Variants in USP26 observed in about 807,000 individuals in gnomAD.
USP26 encodes the protein ubiquitin carboxyl-terminal hydrolase 26.
For synonymous variants in USP26, 236 were observed against 240.6 expected (o/e 0.98, Z 0.18); for missense variants, 649 against 642.3 (o/e 1.01, Z -0.11).
At chrX:133,037,928 A>G (rs1483975188) in intron 5 of USP26, among the ~76,000 whole-genome samples, 2 of 110,945 alleles carry the variant, frequency 1.8e-5, no homozygotes, top group African/African-American at 3.3e-5. Context: ...CTTTGTAGCA[A>G]TTGTGAATGG....
intron 4 of USP26, among the ~76,000 whole-genome samples, chrX:133,084,552 C>T (rs780498539): frequency 4.3e-4 from 42 of 97,801 alleles, no homozygotes; most frequent in African/African-American, 1.5e-3. Flanking sequence ...CTCACCCTGT[C>T]GCCCAGGCTG....
At chrX:133,044,319 C>T (rs1349209818) in intron 5 of USP26, among the ~76,000 whole-genome samples, 1 of 113,330 alleles carries the variant, frequency 8.8e-6, no homozygotes, top group Non-Finnish European at 1.9e-5. Flanking sequence ...TGTGGGAGCC[C>T]CTTCCTGGGA....
chrX:133,088,960 T>C lies in USP26; in HGVS notation c.-142+1153A>G, dbSNP rs999633110. 5.5e-5 allele frequency among the ~76,000 whole-genome samples: 6 copies of C among 109,155 alleles called. No individual in the cohort carries two copies. In the East Asian group the frequency reaches 8.7e-4, roughly 16 times the overall value. 94.8% of individuals were successfully genotyped at this position (109,155 alleles called of 115,157 possible). A position where few individuals can be genotyped will look rare whatever the true frequency, so the allele number is the denominator to read the frequency against. On this transcript the variant is annotated intron_variant, in intron 4 of 5. Transcript: ENST00000511190. Reference sequence around the variant, plus strand: ...TAGGTAGAGTTTTTTTTTTTTTTTCTAAATAACTCTGGCCCCAGTTTTTAC... The same window carrying C: ...TAGGTAGAGTTTTTTTTTTTTTTTCCAAATAACTCTGGCCCCAGTTTTTAC...
chrX:133,031,442 T>C (rs1569509611), intron 5 of USP26, among the ~76,000 whole-genome samples: 2 of 111,863 alleles, frequency 1.8e-5, no homozygotes, highest in Non-Finnish European at 3.8e-5. Context: ...CTTTGAGGAC[T>C]CCATTCTGTG....
Position 133,036,217 on chromosome X carries a change from T to C in USP26, c.-76-7921A>G, listed in dbSNP as rs1330113396. 5.4e-5 allele frequency among the ~76,000 whole-genome samples: 6 copies of C among 110,926 alleles called. No individual in the cohort carries two copies. The East Asian group carries it at 1.4e-3, about 26-fold the overall frequency. ...TACATGTGCTGAATGTGCAGGTTTG[T>C]TACATAGGTATACATGTGCCATGGT... On this transcript the variant is annotated intron_variant, in intron 5 of 5. Transcript: ENST00000511190.
At chrX:133,084,636 C>A (rs1245059667) in intron 4 of USP26, among the ~76,000 whole-genome samples, 3 of 110,132 alleles carry the variant, frequency 2.7e-5, no homozygotes, top group Non-Finnish European at 5.7e-5. Flanking sequence ...GCCTCAGCCT[C>A]CCAAAGTGCT....
At chrX:133,047,485 T>A (rs1432340573) in intron 5 of USP26, among the ~76,000 whole-genome samples, 5 of 112,475 alleles carry the variant, frequency 4.4e-5, no homozygotes, top group Non-Finnish European at 9.4e-5. Context: ...TTGCACTGTA[T>A]TCATCAACAT....
intron 5 of USP26, among the ~76,000 whole-genome samples, chrX:133,055,436 C>T (rs1002668826): frequency 1.8e-4 from 20 of 111,721 alleles, no homozygotes; most frequent in African/African-American, 5.9e-4. Flanking sequence ...TAAATTATTA[C>T]GTGAAATGCC....
intron 5 of USP26, among the ~76,000 whole-genome samples, chrX:133,077,681 G>A (rs1156846485): frequency 8.9e-6 from 1 of 111,746 alleles, no homozygotes; most frequent in Admixed American, 9.5e-5. Context: ...GTTGGAGGTG[G>A]GCCTAGTGGA....
At chrX:133,036,855 T>C (rs1258164367) in intron 5 of USP26, among the ~76,000 whole-genome samples, 2 of 112,589 alleles carry the variant, frequency 1.8e-5, no homozygotes, top group Admixed American at 1.9e-4. Flanking sequence ...TTCCAGACTT[T>C]TTAATGATCA....
chrX:133,042,339 T>G (rs990805327), intron 5 of USP26, among the ~76,000 whole-genome samples: 1 of 111,454 alleles, frequency 9.0e-6, no homozygotes, highest in Admixed American at 9.5e-5. Context: ...CCTGGTGGTG[T>G]AGACATATGA....
Position 133,026,517 on chromosome X carries a change from T to C in USP26, c.1704A>G (p.Thr568=). 8.3e-7 allele frequency: 1 copy of C among 1,209,886 alleles called. No individual in the cohort carries two copies. The highest frequency in any genetic ancestry group is 1.1e-6 in the Non-Finnish European group (1 of 894,895). Residue 568 remains threonine (T), a synonymous_variant, in exon 6 of 6, where the codon ACA becomes ACG. Coordinates refer to ENST00000511190, the MANE Select transcript of USP26 (RefSeq NM_031907.3). ...PLPLSEDGEI[T]DFQLLKVIRK... is the part of the protein sequence containing the mutation. The stretch of plus-strand genomic sequence containing the variant: ...GAATAACTTTTAATAATTGGAAATC[T>C]GTAATTTCTCCATCCTCACTCAAGG...
intron 4 of USP26, among the ~76,000 whole-genome samples, chrX:133,086,329 T>C (rs1381705306): frequency 3.6e-5 from 4 of 111,769 alleles, no homozygotes; most frequent in African/African-American, 1.3e-4. Context: ...CCATCACGGC[T>C]GGGAATGGTG....
chrX:133,096,334 C>T (rs2067630403), intron 1 of USP26, among the ~76,000 whole-genome samples: 1 of 110,563 alleles, frequency 9.0e-6, no homozygotes, highest in African/African-American at 3.3e-5. Flanking sequence ...TGCAAAATAG[C>T]GAATGACCAA....
intron 5 of USP26, among the ~76,000 whole-genome samples, chrX:133,069,084 C>T (rs186538467): frequency 9.0e-6 from 1 of 111,528 alleles, no homozygotes; most frequent in East Asian, 2.8e-4. Context: ...CTTTTATTTA[C>T]TCCAATTACA....
intron 5 of USP26, among the ~76,000 whole-genome samples, chrX:133,065,467 C>A (rs1388392455): frequency 9.0e-6 from 1 of 111,703 alleles, no homozygotes; most frequent in Non-Finnish European, 1.9e-5. Context: ...AATATCAATG[C>A]AAAAATCCTC....
intron 4 of USP26, among the ~76,000 whole-genome samples, chrX:133,088,550 G>A (rs756380649): frequency 3.6e-5 from 4 of 111,214 alleles, no homozygotes; most frequent in Middle Eastern, 4.6e-3. Context: ...TCCACGGCCC[G>A]GAGTTTGGAA....
intron 5 of USP26, among the ~76,000 whole-genome samples, chrX:133,040,778 A>C (rs753395432): frequency 2.7e-5 from 3 of 111,236 alleles, no homozygotes; most frequent in Non-Finnish European, 5.6e-5. Flanking sequence ...TAATATCCTG[A>C]AGTGTGTTTT....
At chrX:133,070,225 T>C (rs960563748) in intron 5 of USP26, among the ~76,000 whole-genome samples, 11 of 112,253 alleles carry the variant, frequency 9.8e-5, no homozygotes, top group African/African-American at 3.6e-4. Context: ...AGAAGGCTGT[T>C]GATCTTTATC....
Sources: allele counts gnomAD v4.1 joint callset (sites outside exome capture counted in the v4.1 genomes callset), GRCh38; gene constraint gnomAD v4.1.1; transcripts MANE v1.5; gene names NCBI Gene and HGNC (gene_info 2026-07-23, HGNC 2026-07-21).